TUBGCP6: variants seen among roughly 807,000 people sequenced by gnomAD.
TUBGCP6 encodes tubulin gamma complex component 6.
A neutral mutation model predicts 175.8 loss-of-function variants in TUBGCP6; 161 were observed. The ratio of observed to expected loss-of-function variants is 0.92; its 90% CI spans 0.81 to 1.04. TUBGCP6 has a LOEUF of 1.04. Ranked by LOEUF, TUBGCP6 falls within the 50% of genes least tolerant of loss-of-function variation. TUBGCP6 has a pLI of 0.00. For missense variants in TUBGCP6, 2,572 were observed against 2,433.0 expected (o/e 1.06, Z -1.20); for synonymous variants, 1,173 against 1,030.5 (o/e 1.14, Z -2.65).
At chr22:50,219,039 A>G in intron 20 of TUBGCP6, 29 bp downstream of exon 20, 1 of 1,610,302 alleles carries the variant, frequency 6.2e-7, no homozygotes, top group Non-Finnish European at 8.5e-7. Context: ...CCCCTCTACC[A>G]CTGGCCCCAC....
At position 50,218,619 on chromosome 22, in the gene TUBGCP6, A is replaced by G; in HGVS notation, c.4823T>C (p.Val1608Ala). ...GATGACAATGTTGAGAGGCCAGTCC[A>G]CCTGCCAGGAGGCGTGGCTCAGCAG... ...VLSCLELRYK[V>A]DWPLNIVITE... Residue 1608 changes from valine (V) to alanine (A), a missense_variant and splice_region_variant, in exon 22 of 25, where the codon GTG becomes GCG. Val to Ala is a moderately conservative substitution (Grantham distance 64). Transcript: ENST00000248846. The G allele has an allele frequency of 1.2e-6, 2 of 1,613,822 alleles. No homozygotes were observed. Among genetic ancestry groups the G allele is most frequent in the Non-Finnish European group, 8.5e-7 (1 of 1,179,968 alleles).
intron 4 of TUBGCP6, 114 bp downstream of exon 4, chr22:50,229,290 A>C: frequency 8.3e-7 from 1 of 1,204,782 alleles, no homozygotes; most frequent in Non-Finnish European, 1.2e-6. Flanking sequence ...GTTAGCAAGG[A>C]AAGAAAAGGT....
Position 50,227,913 on chromosome 22 carries a change from TGCCG to T in TUBGCP6, c.1402_1405del (p.Arg468SerfsTer31). 4 of 1,575,444 alleles carry T rather than the reference TGCCG, an allele frequency of 2.5e-6. No individual in the cohort carries two copies. Among genetic ancestry groups the T allele is most frequent in the Non-Finnish European group, 3.4e-6 (4 of 1,160,244 alleles). Reference sequence around the variant, plus strand: ...CCGCCATGCTGAGGCTCACCTGAGCTGCCGGCCAAGTTTCTTGAAGAGAAAACCA... The same window carrying T: ...CCGCCATGCTGAGGCTCACCTGAGCTGCCAAGTTTCTTGAAGAGAAAACCA... On this transcript the variant is annotated frameshift_variant, in exon 5 of 25. Coordinates refer to ENST00000248846, the MANE Select transcript of TUBGCP6 (RefSeq NM_020461.4). LOFTEE classifies it high-confidence loss of function.
chr22:50,233,578 C>T (rs1409441491), intron 2 of TUBGCP6, 52 bp from the exon 3 acceptor site: 2 of 1,521,734 alleles, frequency 1.3e-6, no homozygotes, highest in African/African-American at 2.7e-5. Flanking sequence ...ACCTGCACCT[C>T]AGCACCAGGG....
intron 5 of TUBGCP6, among the ~76,000 whole-genome samples, 162 bp downstream of exon 5, chr22:50,227,745 G>C (rs1345576246): frequency 3.9e-5 from 6 of 152,192 alleles, no homozygotes; most frequent in Admixed American, 3.9e-4. Context: ...GCTCAGCACC[G>C]GGCACCTGGT....
intron 3 of TUBGCP6, 30 bp downstream of exon 3, chr22:50,233,278 GCCCCACAC>G: frequency 6.2e-7 from 1 of 1,600,300 alleles, no homozygotes; most frequent in East Asian, 2.3e-5. Flanking sequence ...GGGCAGGCCA[GCCCCACAC>G]CACTGTGGCG....
rs1601613952 is a variant in TUBGCP6 at position 50,244,610 on chromosome 22, A to T, written c.-151T>A. 2 of 1,170,814 alleles carry T rather than the reference A, an allele frequency of 1.7e-6. No homozygotes were observed. Among genetic ancestry groups the T allele is most frequent in the Middle Eastern group, 3.0e-4 (1 of 3,374 alleles). 72.5% of individuals were successfully genotyped at this position (1,170,814 alleles called of 1,614,324 possible). ...CCGAAGCTCAGAACTGGTATTTTTT[A>T]AAGGAGGTCTTGCGGTTGCTCTACT... On this transcript the variant is annotated 5_prime_UTR_variant, in exon 1 of 25. Coordinates refer to ENST00000248846, the MANE Select transcript of TUBGCP6 (RefSeq NM_020461.4).
intron 17 of TUBGCP6, 71 bp from the exon 18 acceptor site, chr22:50,219,862 A>C (rs1007729544): frequency 1.6e-5 from 26 of 1,603,504 alleles, no homozygotes; most frequent in Non-Finnish European, 2.0e-5. Context: ...GTGCCAAAAA[A>C]AGGAAAATCG....
chr22:50,237,539 T>G (rs1016584032), intron 2 of TUBGCP6, among the ~76,000 whole-genome samples: 1 of 152,146 alleles, frequency 6.6e-6, no homozygotes, highest in Non-Finnish European at 1.5e-5. Flanking sequence ...CACTGGACAC[T>G]GAGATGACCA....
chr22:50,218,002 G>A lies in TUBGCP6; in HGVS notation c.5284C>T (p.Pro1762Ser). The stretch of plus-strand genomic sequence containing the variant: ...AAGTTGGGGTGCTCTGCACCCCGCG[G>A]GCCCCCAGGGGGCCCCCAGGCCTGG... The part of the protein sequence containing the change: ...ISQAWGPPGG[P>S]RGAEHPNFAL... The change falls in exon 24 of 25, where the codon CCG becomes TCG. Residue 1762 changes from proline (P) to serine (S), a missense_variant. By Grantham distance (74) the Pro-to-Ser change is moderately conservative. Transcript: ENST00000248846. 6.2e-7 allele frequency: 1 copy of A among 1,611,938 alleles called. No individual in the cohort carries two copies. The highest frequency in any genetic ancestry group is 8.5e-7 in the Non-Finnish European group (1 of 1,179,304).
rs1311098640 is a variant in TUBGCP6, at chr22:50,244,362, G to A, written c.98C>T (p.Ala33Val). 1.6e-5 allele frequency: 26 copies of A among 1,613,272 alleles called. No homozygotes were observed. Among genetic ancestry groups the A allele is most frequent in the Non-Finnish European group, 1.9e-5 (23 of 1,180,028 alleles). The change falls in exon 1 of 25, where the codon GCA (alanine) becomes GTA (valine). Residue 33 changes from alanine to valine, a missense_variant. By Grantham distance (64) the Ala-to-Val change is moderately conservative. Coordinates refer to ENST00000248846, the MANE Select transcript of TUBGCP6 (RefSeq NM_020461.4). Reference protein sequence around the residue: ...LGQRSVNRKRAKRSLKKVAYN... With the variant: ...LGQRSVNRKRVKRSLKKVAYN... ...GGCCACCTTCTTGAGGCTCCGCTTT[G>A]CCCTCTTCCGGTTCACACTGCGCTG...
rs2064823909 is a variant in TUBGCP6, at chr22:50,240,266, G to T, written c.843C>A (p.Asp281Glu). 4.3e-6 allele frequency: 7 copies of T among 1,613,982 alleles called. No homozygotes were observed. The highest frequency in any genetic ancestry group is 5.9e-6 in the Non-Finnish European group (7 of 1,180,020). ...QSEPSVTPDV[D>E]LWEAALTYEA... Reference sequence around the variant, plus strand: ...CATAGGTAAGTGCGGCTTCCCACAGGTCCACGTCTGGGGTCACGCTGGGCT... The same window carrying T: ...CATAGGTAAGTGCGGCTTCCCACAGTTCCACGTCTGGGGTCACGCTGGGCT... The change falls in exon 2 of 25, where the codon GAC (aspartate) becomes GAA (glutamate). Residue 281 changes from aspartate to glutamate, a missense_variant. Physicochemically the swap from Asp to Glu is conservative, Grantham distance 45. Coordinates refer to ENST00000248846, the MANE Select transcript of TUBGCP6 (RefSeq NM_020461.4).
intron 3 of TUBGCP6, among the ~76,000 whole-genome samples, chr22:50,231,735 T>C (rs1474344658): frequency 2.0e-5 from 3 of 151,184 alleles, no homozygotes; most frequent in African/African-American, 7.3e-5. Flanking sequence ...GGCGGGTGCC[T>C]GTAGTCCCAG....
Position 50,244,541 on chromosome 22 carries a change from AGAGAGGGTCC to A in TUBGCP6, c.-92_-83del, listed in dbSNP as rs2064894476. ...CTCACGCTCCGGAAGACAGGGAGTG[AGAGAGGGTCC>A]GAAGAGGCTGAATGACAGGCGGCCT... On this transcript the variant is annotated 5_prime_UTR_variant, in exon 1 of 25. Coordinates refer to ENST00000248846, the MANE Select transcript of TUBGCP6 (RefSeq NM_020461.4). 6.8e-7 allele frequency: 1 copy of A among 1,480,384 alleles called. No individual in the cohort carries two copies. The highest frequency in any genetic ancestry group is 8.9e-7 in the Non-Finnish European group (1 of 1,120,740). 91.7% of individuals were successfully genotyped at this position (1,480,384 alleles called of 1,614,324 possible).
chr22:50,236,356 C>T (rs1230411038), intron 2 of TUBGCP6, among the ~76,000 whole-genome samples: 1 of 152,070 alleles, frequency 6.6e-6, no homozygotes, highest in South Asian at 2.1e-4. Context: ...AGGATGGTCT[C>T]GATCTCTTGA....
intron 19 of TUBGCP6, 36 bp downstream of exon 19, chr22:50,219,252 G>A (rs549844545): frequency 2.5e-6 from 4 of 1,610,680 alleles, no homozygotes; most frequent in African/African-American, 2.7e-5. Context: ...AGGACGGGCT[G>A]GGTGGGCAGA....
chr22:50,218,677 C>A lies in TUBGCP6; in HGVS notation c.4821+26G>T, dbSNP rs753569974. ...ACAGGCAGGCAGGCCCCTGTCCCAT[C>A]CCCCGCGGCCAGGGCTGCTGCTGAC... On this transcript the variant is annotated intron_variant, in intron 21 of 24. Transcript: ENST00000248846. 21 of 1,613,202 alleles carry A rather than the reference C, an allele frequency of 1.3e-5. No individual in the cohort carries two copies. In the South Asian group the frequency reaches 2.2e-4, roughly 17 times the overall value.
chr22:50,232,762 T>C (rs1185935717), intron 3 of TUBGCP6, among the ~76,000 whole-genome samples: 1 of 152,210 alleles, frequency 6.6e-6, no homozygotes, highest in Non-Finnish European at 1.5e-5. Flanking sequence ...TAAAAGAACA[T>C]TTAAGACAAA....
chr22:50,236,980 C>T (rs1380323681), intron 2 of TUBGCP6, among the ~76,000 whole-genome samples: 1 of 152,192 alleles, frequency 6.6e-6, no homozygotes, highest in Non-Finnish European at 1.5e-5. Flanking sequence ...CACAAAGACA[C>T]AGCGCAGGAT....
Sources: allele counts gnomAD v4.1 joint callset (sites outside exome capture counted in the v4.1 genomes callset), GRCh38; gene constraint gnomAD v4.1.1; transcripts MANE v1.5; gene names NCBI Gene and HGNC (gene_info 2026-07-23, HGNC 2026-07-21).